Variants in LRRC27 observed in about 807,000 individuals in gnomAD.
LRRC27 encodes leucine rich repeat containing 27, also known as leucine-rich repeat-containing protein 27.
A neutral mutation model predicts 55.0 loss-of-function variants in LRRC27; 57 were observed. The observed-to-expected ratio is 1.04, with a 90% CI of 0.84 to 1.29. LRRC27 has a LOEUF of 1.29. Among genes scored for constraint, LRRC27 ranks in the 50% most tolerant of loss-of-function variants. The probability of loss-of-function intolerance (pLI) is 0.00; values close to 1 mark genes in which losing one functional copy is unlikely to be tolerated. For synonymous variants in LRRC27, 278 were observed against 251.9 expected (o/e 1.10, Z -0.98); for missense variants, 721 against 651.5 (o/e 1.11, Z -1.16).
In LRRC27 at chr10:132,336,948, G is replaced by T; in HGVS notation, c.211-617G>T. 4.9e-6 allele frequency: 3 copies of T among 618,332 alleles called. No individual in the cohort carries two copies. In the South Asian group the frequency reaches 6.7e-5, roughly 14 times the overall value. The allele number at this position is 618,332 out of a possible 1,614,324, so 38.3% of individuals were successfully genotyped here. On this transcript the variant is annotated intron_variant, in intron 2 of 10. Transcript: ENST00000368614. ...TGCATTTTACACAGCTAAAATCAGC[G>T]TGTATACGTTCATCTTCCACCTTCC...
chr10:132,366,745 G>A lies in LRRC27; in HGVS notation c.1416+1195G>A, dbSNP rs936642558. ...TGCATCGGGGCTGCCCCCAGAGCACGCAGCACTGTCACGGGGGAGGAAGCA... is the reference window on the plus strand; with the variant it reads ...TGCATCGGGGCTGCCCCCAGAGCACACAGCACTGTCACGGGGGAGGAAGCA... On this transcript the variant is annotated intron_variant, in intron 10 of 10. Transcript: ENST00000368614. The A allele has an allele frequency of 4.6e-5, 43 of 928,162 alleles. 1 individual carries two copies. Among genetic ancestry groups the A allele is most frequent in the African/African-American group, 1.1e-4 (6 of 56,602 alleles). The allele number at this position is 928,162 out of a possible 1,614,324, so 57.5% of individuals were successfully genotyped here.
Position 132,375,310 on chromosome 10 carries a change from G to A in LRRC27, c.*68G>A, listed in dbSNP as rs530740283. ...CGCTCAGTCTTCTTTCCCGGGCGTC[G>A]CCTCCTGTGTGGTGCCGGAAGAGCG... is the stretch of plus-strand genomic sequence containing the variant. On this transcript the variant is annotated 3_prime_UTR_variant, in exon 11 of 11. Transcript: ENST00000368614. 2.7e-3 allele frequency: 3,894 copies of A among 1,467,664 alleles called. 6 individuals carry two copies. Among genetic ancestry groups the A allele is most frequent in the Non-Finnish European group, 3.4e-3 (3,634 of 1,080,176 alleles). The allele number at this position is 1,467,664 out of a possible 1,614,324, so 90.9% of individuals were successfully genotyped here.
At chr10:132,330,278 G>A, upstream of LRRC27, 1 of 591,384 alleles carries the variant, frequency 1.7e-6, no homozygotes, top group South Asian at 2.0e-5. Context: ...AAGCAAGAGG[G>A]AATACGCTCA....
chr10:132,356,866 T>C (rs1025843583), intron 8 of LRRC27, among the ~76,000 whole-genome samples: 1 of 152,280 alleles, frequency 6.6e-6, no homozygotes, highest in African/African-American at 2.4e-5. Context: ...AATTTGGTCA[T>C]AGATGTTTCT....
Position 132,351,739 on chromosome 10 carries a change from G to A in LRRC27, c.1059G>A (p.Met353Ile). Residue 353 changes from methionine (M) to isoleucine (I), a missense_variant, in exon 7 of 11, where the codon ATG becomes ATA. Coordinates refer to ENST00000368614, the MANE Select transcript of LRRC27 (RefSeq NM_030626.3). Reference protein sequence around the residue: ...LRELQEKQALMEQQRREKRAL... With the variant: ...LRELQEKQALIEQQRREKRAL... ...AGCTCCAGGAGAAGCAGGCTCTGAT[G>A]GAGCAGCAGAGACGGTGAGTCCACA... is the stretch of plus-strand genomic sequence containing the variant. 6.2e-7 allele frequency: 1 copy of A among 1,612,674 alleles called. No individual in the cohort carries two copies. The highest frequency in any genetic ancestry group is 1.1e-5 in the South Asian group (1 of 91,040).
At chr10:132,331,538 G>C (rs752084790), upstream of LRRC27, 2 of 1,612,962 alleles carry the variant, frequency 1.2e-6, no homozygotes, top group Non-Finnish European at 1.7e-6. Context: ...CCTGAGGCAA[G>C]ATTTGGGGAC....
Position 132,348,404 on chromosome 10 carries a change from T to C in LRRC27, c.926+48T>C. ...GATTTTCTTGATCTTTGCGAATTTA[T>C]ACAGTTATTTTAAATTATCTTTGAA... On this transcript the variant is annotated intron_variant, in intron 6 of 10. Coordinates refer to ENST00000368614, the MANE Select transcript of LRRC27 (RefSeq NM_030626.3). This position sits in a 1 kb window ranked among gnomAD's most constrained non-coding sequence, Gnocchi z 4.2. 6.4e-7 allele frequency: 1 copy of C among 1,571,438 alleles called. No individual in the cohort carries two copies. Among genetic ancestry groups the C allele is most frequent in the Non-Finnish European group, 8.6e-7 (1 of 1,160,576 alleles).
intron 10 of LRRC27, among the ~76,000 whole-genome samples, chr10:132,368,976 A>G (rs2133099999): frequency 6.6e-6 from 1 of 152,358 alleles, no homozygotes; most frequent in Middle Eastern, 3.4e-3. Context: ...AGCCAGTTAA[A>G]AAATGGGCCA....
chr10:132,348,938 GATTTT>G lies in LRRC27; in HGVS notation c.926+588_926+592del, dbSNP rs2067860807. The G allele has an allele frequency of 3.2e-6, 5 of 1,555,346 alleles. No homozygotes were observed. Among genetic ancestry groups the G allele is most frequent in the Non-Finnish European group, 4.4e-6 (5 of 1,141,708 alleles). On this transcript the variant is annotated intron_variant, in intron 6 of 10. Coordinates refer to ENST00000368614, the MANE Select transcript of LRRC27 (RefSeq NM_030626.3). The surrounding 1 kb of genome is among the most constrained non-coding windows in gnomAD (Gnocchi z 4.2). ...TTGGTACAGTGAGTTTGGGGGCCGAGATTTTATTTTCCTTTCACACCCAGGACAAG... is the reference window on the plus strand; with the variant it reads ...TTGGTACAGTGAGTTTGGGGGCCGAGATTTTCCTTTCACACCCAGGACAAG...
At chr10:132,366,283 C>T (rs567363959) in intron 10 of LRRC27, 12 of 152,956 alleles carry the variant, frequency 7.8e-5, no homozygotes, top group African/African-American at 2.6e-4. Flanking sequence ...GGCTGACACG[C>T]TCGGTGTCTA....
intron 9 of LRRC27, among the ~76,000 whole-genome samples, chr10:132,364,510 T>TTACACCCAC (rs2068885108): frequency 6.8e-4 from 1 of 1,472 alleles, no homozygotes; most frequent in African/African-American, 2.3e-3. Context: ...TACATCTACC[T>TTACACCCAC]CCACACTCGC....
chr10:132,358,699 G>A (rs1469200663), intron 8 of LRRC27, among the ~76,000 whole-genome samples: 25 of 73,590 alleles, frequency 3.4e-4, no homozygotes, highest in African/African-American at 1.1e-3. Context: ...AGCCGAGGTG[G>A]TAGAGCAGTG....
At chr10:132,369,204 G>A (rs1702261642) in intron 10 of LRRC27, among the ~76,000 whole-genome samples, 1 of 152,220 alleles carries the variant, frequency 6.6e-6, no homozygotes, top group Non-Finnish European at 1.5e-5. Context: ...TGGGAAGACA[G>A]CTTGACAGTT....
At chr10:132,363,385 C>T (rs1158566992) in intron 9 of LRRC27, among the ~76,000 whole-genome samples, 1 of 152,342 alleles carries the variant, frequency 6.6e-6, no homozygotes. Flanking sequence ...GATCACTGGG[C>T]TCCCTAGTCG....
At chr10:132,330,695 A>AG (rs2066660700), upstream of LRRC27, among the ~76,000 whole-genome samples, 1 of 88,254 alleles carries the variant, frequency 1.1e-5, no homozygotes, top group Non-Finnish European at 2.4e-5. Context: ...TTTTTTTTTA[A>AG]TTTTTGTAGA....
intron 9 of LRRC27, among the ~76,000 whole-genome samples, chr10:132,362,541 C>T (rs2068671445): frequency 6.6e-6 from 1 of 152,146 alleles, no homozygotes; most frequent in South Asian, 2.1e-4. Flanking sequence ...GGGTGGGTCC[C>T]TGGCTGGGCC....
chr10:132,364,642 ACC>A (rs2068926164), intron 9 of LRRC27, among the ~76,000 whole-genome samples: 4 of 32,802 alleles, frequency 1.2e-4, no homozygotes, highest in South Asian at 1.2e-3. Flanking sequence ...CACACTTAAC[ACC>A]CACCCACACT....
At chr10:132,352,007 C>T (rs936255243) in intron 7 of LRRC27, among the ~76,000 whole-genome samples, 5 of 110,496 alleles carry the variant, frequency 4.5e-5, no homozygotes, top group East Asian at 2.3e-4. Context: ...TGCAGCGCTC[C>T]GTGTGGGGCA....
At position 132,348,819 on chromosome 10, in the gene LRRC27, GA is replaced by G. The variant is rs1230894268; in HGVS notation, c.926+466del. ...ACCTGTGAAAAGAGAGGAGTTGGGGGAAAGGTCAGTTATGCAGAAAATAAAT... is the reference window on the plus strand; with the variant it reads ...ACCTGTGAAAAGAGAGGAGTTGGGGGAAGGTCAGTTATGCAGAAAATAAAT... On this transcript the variant is annotated intron_variant, in intron 6 of 10. Coordinates refer to ENST00000368614, the MANE Select transcript of LRRC27 (RefSeq NM_030626.3). The surrounding 1 kb of genome is among the most constrained non-coding windows in gnomAD (Gnocchi z 4.2). The G allele has an allele frequency of 1.1e-5, 7 of 619,390 alleles. No homozygotes were observed. Among genetic ancestry groups the G allele is most frequent in the Non-Finnish European group, 2.0e-5 (7 of 348,608 alleles). 38.4% of individuals were successfully genotyped at this position (619,390 alleles called of 1,614,324 possible).
Sources: allele counts gnomAD v4.1 joint callset (sites outside exome capture counted in the v4.1 genomes callset), GRCh38; gene constraint gnomAD v4.1.1; non-coding constraint Gnocchi (gnomAD v3.1); transcripts MANE v1.5; gene names NCBI Gene and HGNC (gene_info 2026-07-23, HGNC 2026-07-21).